Variants in SORBS2 observed in about 807,000 individuals in gnomAD.
SORBS2 encodes sorbin and SH3 domain-containing protein 2.
SORBS2 carries 46 observed loss-of-function variants against 97.7 expected under a neutral mutation model. The ratio of observed to expected loss-of-function variants is 0.47; its 90% CI spans 0.37 to 0.60. The LOEUF (loss-of-function observed/expected upper bound fraction) is 0.60. SORBS2 is among the 20% of genes least tolerant of loss of function. The probability of loss-of-function intolerance (pLI) is 0.00; values close to 1 mark genes in which losing one functional copy is unlikely to be tolerated. For missense variants in SORBS2, 1,316 were observed against 1,282.3 expected (o/e 1.03, Z -0.40); for synonymous variants, 476 against 473.4 (o/e 1.01, Z -0.07).
In SORBS2 at chr4:185,623,040, C is replaced by T. The variant is rs139948503; in HGVS notation, c.2089G>A (p.Asp697Asn). Residue 697 changes from aspartate (D) to asparagine (N), a missense_variant, in exon 7 of 15, where the codon GAT becomes AAT. Coordinates refer to ENST00000418609, the Ensembl canonical transcript of SORBS2. This position sits in a 1 kb window ranked among gnomAD's most constrained non-coding sequence, Gnocchi z 6.4. ...TAGGGTGGACAATGAATAGCACCATCGGGAGGCAGTGGGTGGAGAGGCTGG... is the reference window on the plus strand; with the variant it reads ...TAGGGTGGACAATGAATAGCACCATTGGGAGGCAGTGGGTGGAGAGGCTGG... The T allele has an allele frequency of 2.5e-4, 397 of 1,614,078 alleles. 1 individual carries two copies. In the African/African-American group the frequency reaches 4.8e-3, roughly 20 times the overall value.
intron 14 of SORBS2, among the ~76,000 whole-genome samples, chr4:185,588,962 C>T (rs902474474): frequency 1.3e-5 from 2 of 152,040 alleles, no homozygotes; most frequent in Admixed American, 1.3e-4. Context: ...TGTGGCCGCA[C>T]CAGGGCCTCA....
At chr4:185,646,250 G>A (rs916177737) in intron 4 of SORBS2, 1 of 153,336 alleles carries the variant, frequency 6.5e-6, no homozygotes, top group African/African-American at 2.4e-5. Flanking sequence ...AGCAAGCTAT[G>A]ATAGCAATTA....
intron 1 of SORBS2, among the ~76,000 whole-genome samples, chr4:185,936,958 A>C (rs1330103023): frequency 6.6e-6 from 1 of 152,262 alleles, no homozygotes; most frequent in Non-Finnish European, 1.5e-5. Context: ...TCAGCTTCTT[A>C]GACAGTAAGA....
intron 4 of SORBS2, 29 bp from the exon 15 acceptor site, chr4:185,638,191 G>T: frequency 1.4e-6 from 2 of 1,386,234 alleles, no homozygotes; most frequent in South Asian, 2.3e-5. Flanking sequence ...AAAAGGGAAG[G>T]AAAAGGCACA....
At chr4:185,600,841 T>G (rs914410851) in intron 12 of SORBS2, among the ~76,000 whole-genome samples, 7 of 152,050 alleles carry the variant, frequency 4.6e-5, no homozygotes, top group Non-Finnish European at 7.4e-5. Flanking sequence ...AAGGCCTTTT[T>G]GGGGGGAAAC....
At position 185,684,600 on chromosome 4, in the gene SORBS2, C is replaced by A. The variant is rs957536849; in HGVS notation, c.-197-5778G>T. Among the ~76,000 whole-genome samples the A allele has an allele frequency of 3.3e-5, 5 of 152,152 alleles. No individual in the cohort carries two copies. Among genetic ancestry groups the A allele is most frequent in the Admixed American group, 3.3e-4 (5 of 15,274 alleles). On this transcript the variant is annotated intron_variant, in intron 2 of 20. Coordinates refer to the SORBS2 transcript ENST00000284776. The surrounding 1 kb of genome is among the most constrained non-coding windows in gnomAD (Gnocchi z 4.2). The stretch of plus-strand genomic sequence containing the variant: ...TTATTAACACTCGCAGTTACTCAAC[C>A]TATTTTTGGCAAGTGACTGCTGTTT...
At chr4:185,653,536 C>T (rs2097347720) in intron 1 of SORBS2, among the ~76,000 whole-genome samples, 1 of 152,114 alleles carries the variant, frequency 6.6e-6, no homozygotes, top group South Asian at 2.1e-4. Context: ...CCTTCTTGAG[C>T]CTCAGTTTTC....
chr4:185,778,032 T>G (rs1177099229), intron 1 of SORBS2, among the ~76,000 whole-genome samples: 1 of 152,258 alleles, frequency 6.6e-6, no homozygotes, highest in Admixed American at 6.5e-5. Flanking sequence ...AATTATGACA[T>G]TAATTTTTAT....
chr4:185,587,578 C>G (rs778196728), exon 15 of SORBS2: 2 of 1,560,376 alleles, frequency 1.3e-6, no homozygotes, highest in African/African-American at 2.7e-5. Context: ...GGCGCGTTGA[C>G]GCAGGTGCAT....
In SORBS2 at chr4:185,822,223, C is replaced by T. The variant is rs531262504; in HGVS notation, c.-337-46857G>A. On this transcript the variant is annotated intron_variant, in intron 1 of 20. Transcript: ENST00000284776. ...ACATTACTATTTAGGGTTTGACAGT[C>T]ATCCTTTATCTAGTGTTTCCCCAGT... 2.6e-5 allele frequency among the ~76,000 whole-genome samples: 4 copies of T among 152,346 alleles called. No individual in the cohort carries two copies. In the East Asian group the frequency reaches 7.7e-4, roughly 29 times the overall value.
At chr4:185,876,576 G>A (rs1290606239) in intron 1 of SORBS2, among the ~76,000 whole-genome samples, 1 of 152,114 alleles carries the variant, frequency 6.6e-6, no homozygotes, top group Non-Finnish European at 1.5e-5. Flanking sequence ...TCCTATGCTT[G>A]AAAGAAAAGC....
chr4:185,638,947 C>T, intron 4 of SORBS2: 1 of 1,522,084 alleles, frequency 6.6e-7, no homozygotes. Context: ...AGGGGAGGGG[C>T]TACCAGTGAC....
chr4:185,875,863 G>A (rs545674776), intron 1 of SORBS2, among the ~76,000 whole-genome samples: 1 of 152,138 alleles, frequency 6.6e-6, no homozygotes, highest in Non-Finnish European at 1.5e-5. Context: ...GTAATAACAT[G>A]ACTTCCAAGA....
At chr4:185,676,916 T>C (rs539593965) in intron 4 of SORBS2, 3 of 1,158,966 alleles carry the variant, frequency 2.6e-6, no homozygotes, top group Non-Finnish European at 3.6e-6. Flanking sequence ...CATTAGGTCA[T>C]ATAAGAAGCC....
chr4:185,941,870 C>G (rs1403025708), intron 1 of SORBS2, among the ~76,000 whole-genome samples: 4 of 152,132 alleles, frequency 2.6e-5, no homozygotes, highest in African/African-American at 9.7e-5. Context: ...AATCTCAGTA[C>G]TTTGGGAGGC....
At chr4:185,922,527 CT>C (rs1368004829) in intron 1 of SORBS2, among the ~76,000 whole-genome samples, 3 of 152,216 alleles carry the variant, frequency 2.0e-5, no homozygotes, top group African/African-American at 7.2e-5. Context: ...TTTCTCATTT[CT>C]TCTGGAACGC....
intron 2 of SORBS2, among the ~76,000 whole-genome samples, chr4:185,717,437 T>C (rs1252751191): frequency 1.3e-5 from 2 of 152,244 alleles, no homozygotes; most frequent in Non-Finnish European, 2.9e-5. Context: ...AAGGCCGACA[T>C]CCTCCAATAG....
rs549260293 is a variant in SORBS2 at position 185,762,527 on chromosome 4, G to A, written c.-198+12700C>T. On this transcript the variant is annotated intron_variant, in intron 2 of 20. Transcript: ENST00000284776. ...AAAGGGCACCTGTAAGTGGAATTCAGAAGATGTAATCAGAGAGACTGAAGG... is the reference window on the plus strand; with the variant it reads ...AAAGGGCACCTGTAAGTGGAATTCAAAAGATGTAATCAGAGAGACTGAAGG... Among the ~76,000 whole-genome samples, 25 of 151,806 alleles carry A rather than the reference G, an allele frequency of 1.6e-4. No homozygotes were observed. The East Asian group carries it at 4.6e-3, about 28-fold the overall frequency.
intron 2 of SORBS2, among the ~76,000 whole-genome samples, chr4:185,689,550 G>T (rs952979053): frequency 1.3e-5 from 2 of 152,082 alleles, no homozygotes; most frequent in Non-Finnish European, 2.9e-5. Flanking sequence ...TCCTCATCTT[G>T]CCTGTTGTCC....
Sources: gnomAD v4.1 joint callset for allele counts (sites outside exome capture counted in the v4.1 genomes callset) on GRCh38, gnomAD v4.1.1 for gene constraint, Gnocchi (gnomAD v3.1) non-coding constraint, MANE v1.5 for transcripts, NCBI Gene and HGNC (gene_info 2026-07-23, HGNC 2026-07-21) for gene names.